The following COL4A6 variants were observed in gnomAD, a reference collection of about 807,000 sequenced individuals.
COL4A6 encodes the protein collagen alpha-6(IV) chain.
In COL4A6, 59 loss-of-function variants were observed where a neutral mutation model predicts 126.7. The observed-to-expected ratio is 0.47, with a 90% CI of 0.38 to 0.58. The LOEUF is 0.58. Among genes scored for constraint, COL4A6 ranks in the 20% least tolerant of loss-of-function variants. The probability of loss-of-function intolerance (pLI) is 0.00; values close to 1 mark genes in which losing one functional copy is unlikely to be tolerated. For synonymous variants in COL4A6, 547 were observed against 496.6 expected, an observed-to-expected ratio of 1.10 and a Z score of -1.35; for missense variants, 1,285 against 1,337.3, an observed-to-expected ratio of 0.96 and a Z score of 0.61.
chrX:108,209,707 T>A (rs2035646347), intron 8 of COL4A6, among the ~76,000 whole-genome samples: 1 of 112,217 alleles, frequency 8.9e-6, no homozygotes, highest in East Asian at 2.8e-4. Flanking sequence ...AATACATTCC[T>A]AGGGGAAAGT....
intron 5 of COL4A6, among the ~76,000 whole-genome samples, chrX:108,218,335 T>C (rs937285433): frequency 3.6e-5 from 4 of 112,418 alleles, no homozygotes; most frequent in African/African-American, 9.7e-5. Flanking sequence ...TAAAGGGGCA[T>C]AGGAACACAG....
At chrX:108,317,523 A>T (rs2038910321) in intron 2 of COL4A6, among the ~76,000 whole-genome samples, 2 of 112,083 alleles carry the variant, frequency 1.8e-5, no homozygotes, top group African/African-American at 6.5e-5. Flanking sequence ...CCTGAATGGT[A>T]GTGCCTAGGT....
At chrX:108,270,711 C>T (rs2037426840) in intron 3 of COL4A6, among the ~76,000 whole-genome samples, 1 of 112,014 alleles carries the variant, frequency 8.9e-6, no homozygotes, top group African/African-American at 3.2e-5. Flanking sequence ...TTCAAATTTT[C>T]AAACCTTTTT....
intron 3 of COL4A6, among the ~76,000 whole-genome samples, chrX:108,258,482 T>C (rs140018501): frequency 0.03 from 3,336 of 111,821 alleles, 115 homozygotes; most frequent in African/African-American, 0.1. Flanking sequence ...TTCAAGCACA[T>C]TGAAATTTAG....
chrX:108,294,415 G>GTTT (rs1569412233), intron 3 of COL4A6, among the ~76,000 whole-genome samples: 19 of 90,542 alleles, frequency 2.1e-4, no homozygotes, highest in Admixed American at 7.1e-4. Context: ...TTTTTTTTTG[G>GTTT]TGTGTGTGTG....
chrX:108,214,351 C>G, intron 5 of COL4A6, 123 bp from the exon 6 acceptor site: 1 of 485,884 alleles, frequency 2.1e-6, no homozygotes. Context: ...TCCCTTAGCC[C>G]CATCATGTAT....
chrX:108,209,865 C>T, intron 8 of COL4A6, 104 bp downstream of exon 8: 1 of 865,095 alleles, frequency 1.2e-6, no homozygotes, highest in Non-Finnish European at 1.6e-6. Context: ...CTAGATTTTC[C>T]TTGAGGTCTA....
intron 6 of COL4A6, chrX:108,213,832 C>T: frequency 3.4e-6 from 1 of 294,010 alleles, no homozygotes; most frequent in Non-Finnish European, 5.9e-6. Context: ...TGTATTTTGC[C>T]ATGAAATTTA....
intron 2 of COL4A6, among the ~76,000 whole-genome samples, chrX:108,351,047 C>A (rs1252904905): frequency 9.0e-6 from 1 of 111,440 alleles, no homozygotes; most frequent in Non-Finnish European, 1.9e-5. Flanking sequence ...CTGTTCTCCC[C>A]ACAATGAATT....
intron 3 of COL4A6, among the ~76,000 whole-genome samples, chrX:108,255,500 G>T (rs778594331): frequency 1.5e-3 from 170 of 111,232 alleles, no homozygotes; most frequent in African/African-American, 5.4e-3. Context: ...GCCTGCCCAA[G>T]GTCTGCCACA....
chrX:108,351,440 CTCTGTG>C (rs1441243777), intron 2 of COL4A6, among the ~76,000 whole-genome samples: 9 of 97,896 alleles, frequency 9.2e-5, no homozygotes, highest in Admixed American at 4.7e-4. Context: ...AACTCTCTCT[CTCTGTG>C]TGTGTGTGTG....
At chrX:108,213,127 T>C (rs1338893608) in intron 6 of COL4A6, among the ~76,000 whole-genome samples, 1 of 111,942 alleles carries the variant, frequency 8.9e-6, no homozygotes, top group Non-Finnish European at 1.9e-5. Context: ...TCTATCTCAT[T>C]TTCTCACACA....
chrX:108,417,537 C>T (rs2041457527), intron 2 of COL4A6, among the ~76,000 whole-genome samples: 1 of 111,684 alleles, frequency 9.0e-6, no homozygotes, highest in African/African-American at 3.3e-5. Context: ...CCTCTTACTG[C>T]CACTGAATAA....
At chrX:108,198,221 A>G (rs191469220) in intron 13 of COL4A6, among the ~76,000 whole-genome samples, 12,799 of 111,490 alleles carry the variant, frequency 0.11, 814 homozygotes, top group Non-Finnish European at 0.18. Context: ...TGGTCCAGTA[A>G]ATACTTGTTG....
intron 32 of COL4A6, among the ~76,000 whole-genome samples, 162 bp downstream of exon 32, chrX:108,172,307 G>A (rs184653423): frequency 5.4e-5 from 5 of 91,948 alleles, no homozygotes; most frequent in East Asian, 7.2e-4. Flanking sequence ...CTGAGATTGC[G>A]CCACTGCACT....
In COL4A6 at chrX:108,192,526, C is replaced by A. The variant is rs1170169985; in HGVS notation, c.1127G>T (p.Gly376Val). ...AGAAGGGCCACGTAGGCCTTGGATGCCTTCATCTCCTTTAAGGCCTGGGAG... is the reference window on the plus strand; with the variant it reads ...AGAAGGGCCACGTAGGCCTTGGATGACTTCATCTCCTTTAAGGCCTGGGAG... ...PGLPGLKGDE[G>V]IQGLRGPSGV... The change falls in exon 18 of 45, where the codon GGC becomes GTC. Residue 376 changes from glycine (G) to valine (V), a missense_variant. Gly to Val is a moderately radical substitution (Grantham distance 109). Coordinates refer to ENST00000334504, the MANE Select transcript of COL4A6 (RefSeq NM_033641.4). 2 of 1,208,565 alleles carry A rather than the reference C, an allele frequency of 1.7e-6. No individual in the cohort carries two copies. Among genetic ancestry groups the A allele is most frequent in the Non-Finnish European group, 2.2e-6 (2 of 893,680 alleles).
At chrX:108,185,237 C>T (rs917270989) in intron 23 of COL4A6, among the ~76,000 whole-genome samples, 8 of 109,877 alleles carry the variant, frequency 7.3e-5, no homozygotes, top group Non-Finnish European at 1.1e-4. Flanking sequence ...ACTAAAAATT[C>T]GAAAATTATC....
In COL4A6 at chrX:108,169,529, C is replaced by T; in HGVS notation, c.3657G>A (p.Gly1219=). ...GYPGIGIGAP[G]KPGLRGQKGD... Reference sequence around the variant, plus strand: ...CTTTTTGCCCTCTCAGGCCCGGCTTCCCTGGAGCTCCGATGCCAATTCCTG... The same window carrying T: ...CTTTTTGCCCTCTCAGGCCCGGCTTTCCTGGAGCTCCGATGCCAATTCCTG... The change falls in exon 37 of 45, where the codon GGG becomes GGA. Residue 1219 remains glycine (G), a synonymous_variant. Coordinates refer to ENST00000334504, the MANE Select transcript of COL4A6 (RefSeq NM_033641.4). 8.3e-7 allele frequency: 1 copy of T among 1,211,824 alleles called. No homozygotes were observed. The highest frequency in any genetic ancestry group is 3.0e-5 in the East Asian group (1 of 33,800).
chrX:108,434,500 G>C (rs2064228342), intron 2 of COL4A6, among the ~76,000 whole-genome samples: 1 of 109,386 alleles, frequency 9.1e-6, no homozygotes, highest in Non-Finnish European at 1.9e-5. Flanking sequence ...AAAATACATA[G>C]GATTACAATG....
Sources: gnomAD v4.1 joint callset for allele counts (sites outside exome capture counted in the v4.1 genomes callset) on GRCh38, gnomAD v4.1.1 for gene constraint, MANE v1.5 for transcripts, NCBI Gene and HGNC (gene_info 2026-07-23, HGNC 2026-07-21) for gene names.